TMEM132B: variants seen among roughly 807,000 people sequenced by gnomAD.
The protein encoded by TMEM132B is transmembrane protein 132B.
Under a neutral mutation model 90.8 loss-of-function variants are expected in TMEM132B, and 18 were observed. That is an observed-to-expected ratio of 0.20 (90% CI 0.14 to 0.29). TMEM132B has a LOEUF of 0.29. Among genes scored for constraint, TMEM132B ranks in the 10% least tolerant of loss-of-function variants. TMEM132B has a pLI of 1.00. For missense variants in TMEM132B, 1,096 were observed against 1,326.8 expected, an observed-to-expected ratio of 0.83 and a Z score of 2.70; for synonymous variants, 504 against 523.3, an observed-to-expected ratio of 0.96 and a Z score of 0.50.
chr12:125,331,765 A>G (rs894432605), intron 1 of TMEM132B, among the ~76,000 whole-genome samples: 1 of 152,182 alleles, frequency 6.6e-6, no homozygotes, highest in African/African-American at 2.4e-5. Flanking sequence ...TTTATTTGAT[A>G]CATTTGGAGA....
rs547833317 is a variant in TMEM132B at position 125,266,240 on chromosome 12, A to C, written c.67+79374A>C. On this transcript the variant is annotated intron_variant, in intron 1 of 8. Transcript: ENST00000682704. ...AGAGACCCTAAAAAGAAAAACCCAA[A>C]ATTAAAAAATTAAACCCCAGACAAA... 3.0e-3 allele frequency among the ~76,000 whole-genome samples: 451 copies of C among 152,276 alleles called. 1 individual carries two copies. Among genetic ancestry groups the C allele is most frequent in the Non-Finnish European group, 5.1e-3 (345 of 68,016 alleles).
chr12:125,653,278 T>C (rs1017004410), intron 8 of TMEM132B, among the ~76,000 whole-genome samples: 4 of 152,340 alleles, frequency 2.6e-5, no homozygotes. Context: ...TCTTTCAAAA[T>C]GTTTTTAAAA....
chr12:125,358,223 C>T (rs1050442716), intron 2 of TMEM132B, among the ~76,000 whole-genome samples: 19 of 152,004 alleles, frequency 1.2e-4, no homozygotes, highest in African/African-American at 3.9e-4. Context: ...TGAAGGAAAC[C>T]ACAGTATGTA....
At chr12:125,331,052 A>G (rs1263593860) in intron 1 of TMEM132B, among the ~76,000 whole-genome samples, 3 of 152,204 alleles carry the variant, frequency 2.0e-5, no homozygotes, top group Non-Finnish European at 4.4e-5. Flanking sequence ...GGAGGGATGC[A>G]CCACCGGCTC....
chr12:125,200,858 G>A (rs972580667), intron 1 of TMEM132B, among the ~76,000 whole-genome samples: 1 of 152,136 alleles, frequency 6.6e-6, no homozygotes, highest in African/African-American at 2.4e-5. Flanking sequence ...TTCTGTGCCT[G>A]GTGGTTCTGG....
chr12:125,270,112 T>G (rs996390720), intron 1 of TMEM132B, among the ~76,000 whole-genome samples: 1 of 143,144 alleles, frequency 7.0e-6, no homozygotes, highest in East Asian at 2.1e-4. Context: ...CACATCTTTG[T>G]TGTGTGTGTG....
rs1879480950 is a variant in TMEM132B at position 125,406,425 on chromosome 12, T to G, written c.960-9106T>G. Among the ~76,000 whole-genome samples, 1 of 152,180 alleles carries G rather than the reference T, an allele frequency of 6.6e-6. No homozygotes were observed. Among genetic ancestry groups the G allele is most frequent in the Non-Finnish European group, 1.5e-5 (1 of 68,028 alleles). ...CATTTCAGCATTTGTGAACAAGTTC[T>G]TTTTCTACTGTGAAATGGGTACCGG... On this transcript the variant is annotated intron_variant, in intron 2 of 8. Transcript: ENST00000682704. This position sits in a 1 kb window ranked among gnomAD's most constrained non-coding sequence, Gnocchi z 8.3.
At chr12:125,335,035 C>A (rs905095999) in intron 1 of TMEM132B, among the ~76,000 whole-genome samples, 1 of 152,222 alleles carries the variant, frequency 6.6e-6, no homozygotes, top group Non-Finnish European at 1.5e-5. Context: ...CTTGAGTAAA[C>A]AGATTAGCCG....
rs1887111825 is a variant in TMEM132B, at chr12:125,658,056, C to T, written c.*3346C>T. On this transcript the variant is annotated 3_prime_UTR_variant, in exon 9 of 9. Transcript: ENST00000682704. ...GTTACCCTGGAAAAACAACACCTAG[C>T]AAACCTCAGAATACTCCATGTGTCC... The T allele has an allele frequency of 6.6e-6, 1 of 152,204 alleles. No individual in the cohort carries two copies. Among genetic ancestry groups the T allele is most frequent in the African/African-American group, 2.4e-5 (1 of 41,432 alleles). The allele number at this position is 152,204 out of a possible 1,614,324, so 9.4% of individuals were successfully genotyped here.
intron 3 of TMEM132B, among the ~76,000 whole-genome samples, chr12:125,487,655 C>T (rs1000275006): frequency 3.3e-5 from 5 of 152,172 alleles, no homozygotes; most frequent in Admixed American, 6.5e-5. Flanking sequence ...ACATTTCATC[C>T]GTCAGGCTGC....
At chr12:125,426,982 G>A (rs1182419281) in intron 3 of TMEM132B, among the ~76,000 whole-genome samples, 2 of 152,238 alleles carry the variant, frequency 1.3e-5, no homozygotes, top group African/African-American at 4.8e-5. Context: ...ATTTAAACTG[G>A]TCCCTAAAGC....
rs995173333 is a variant in TMEM132B at position 125,655,237 on chromosome 12, A to G, written c.*527A>G. On this transcript the variant is annotated 3_prime_UTR_variant, in exon 9 of 9. Coordinates refer to ENST00000682704, the MANE Select transcript of TMEM132B (RefSeq NM_001366854.1). ...CCTTTGACCTCTGGAATTCTTTTTG[A>G]AACATGAAGAGAAGAAATTTCAGTC... is the stretch of plus-strand genomic sequence containing the variant. 8 of 152,432 alleles carry G rather than the reference A, an allele frequency of 5.2e-5. No homozygotes were observed. The highest frequency in any genetic ancestry group is 1.9e-4 in the African/African-American group (8 of 41,460). 9.4% of individuals were successfully genotyped at this position (152,432 alleles called of 1,614,324 possible).
At chr12:125,625,436 T>A (rs552213379) in intron 5 of TMEM132B, among the ~76,000 whole-genome samples, 2 of 152,264 alleles carry the variant, frequency 1.3e-5, no homozygotes, top group African/African-American at 4.8e-5. Flanking sequence ...CCCGGTCAGA[T>A]TTGACTTCTT....
chr12:125,212,895 C>T (rs1027284440), intron 1 of TMEM132B, among the ~76,000 whole-genome samples: 32 of 152,114 alleles, frequency 2.1e-4, no homozygotes, highest in Admixed American at 1.3e-4. Context: ...AACTGTTTCA[C>T]TTCATTTTTT....
intron 2 of TMEM132B, among the ~76,000 whole-genome samples, chr12:125,409,201 C>T (rs12425871): frequency 0.17 from 26,383 of 152,008 alleles, 2,456 homozygotes; most frequent in South Asian, 0.21. Context: ...AGTTGCTGGG[C>T]CCTAGAATGC....
At chr12:125,595,052 G>C (rs1395500103) in intron 5 of TMEM132B, among the ~76,000 whole-genome samples, 1 of 131,436 alleles carries the variant, frequency 7.6e-6, no homozygotes, top group Non-Finnish European at 1.7e-5. Context: ...TTTCCTTAGA[G>C]TCAACCTCTT....
intron 1 of TMEM132B, among the ~76,000 whole-genome samples, chr12:125,321,877 T>G (rs1566001249): frequency 6.6e-6 from 1 of 151,910 alleles, no homozygotes; most frequent in African/African-American, 2.4e-5. Context: ...TGTTTATAAA[T>G]GTTTATTCGT....
intron 5 of TMEM132B, among the ~76,000 whole-genome samples, chr12:125,615,498 G>A (rs1017318244): frequency 6.6e-6 from 1 of 151,746 alleles, no homozygotes; most frequent in Non-Finnish European, 1.5e-5. Context: ...AATCTATTTT[G>A]AGCTAATCTA....
intron 3 of TMEM132B, among the ~76,000 whole-genome samples, chr12:125,419,447 G>C (rs1489500275): frequency 6.6e-6 from 1 of 152,152 alleles, no homozygotes; most frequent in African/African-American, 2.4e-5. Context: ...TTGTGTAGGG[G>C]AACTCCCTTT....
Sources: allele counts gnomAD v4.1 joint callset (sites outside exome capture counted in the v4.1 genomes callset), GRCh38; gene constraint gnomAD v4.1.1; non-coding constraint Gnocchi (gnomAD v3.1); transcripts MANE v1.5; gene names NCBI Gene and HGNC (gene_info 2026-07-23, HGNC 2026-07-21).